DMD: variants seen among roughly 807,000 people sequenced by gnomAD.
The protein encoded by DMD is mutant dystrophin.
DMD carries 63 observed loss-of-function variants against 330.1 expected under a neutral mutation model. The ratio of observed to expected loss-of-function variants is 0.19; its 90% CI spans 0.16 to 0.24. The LOEUF (loss-of-function observed/expected upper bound fraction) is 0.24. Among genes scored for constraint, DMD ranks in the 10% least tolerant of loss-of-function variants. The pLI is 1.00. For synonymous variants in DMD, 1,223 were observed against 959.8 expected (o/e 1.27, Z -5.07); for missense variants, 3,344 against 2,684.1 (o/e 1.25, Z -5.43).
rs142678725 is a variant in DMD at position 32,523,854 on chromosome X, T to A, written c.2169-5723A>T. Among the ~76,000 whole-genome samples, 48 of 110,175 alleles carry A rather than the reference T, an allele frequency of 4.4e-4. No individual in the cohort carries two copies. The East Asian group carries it at 0.011, about 26-fold the overall frequency. On this transcript the variant is annotated intron_variant, in intron 17 of 78. Transcript: ENST00000357033. ...TTGATGTAACTGTTATACCACCACC[T>A]CCAATTCACTGCAGAAAAAAGAAAC... is the stretch of plus-strand genomic sequence containing the variant.
At chrX:31,491,967 C>T (rs2069345456) in intron 57 of DMD, among the ~76,000 whole-genome samples, 1 of 112,110 alleles carries the variant, frequency 8.9e-6, no homozygotes, top group South Asian at 3.7e-4. Flanking sequence ...CAACTATTGA[C>T]ATTTTAATGG....
At chrX:31,990,218 C>CT (rs777421783) in intron 44 of DMD, among the ~76,000 whole-genome samples, 2 of 112,095 alleles carry the variant, frequency 1.8e-5, no homozygotes, top group South Asian at 7.4e-4. Context: ...GACATTTTTA[C>CT]TTTTTTTCAA....
chrX:32,725,701 G>C (rs778576022), intron 7 of DMD, among the ~76,000 whole-genome samples: 1 of 111,169 alleles, frequency 9.0e-6, no homozygotes, highest in African/African-American at 3.3e-5. Flanking sequence ...AGGGTACTAG[G>C]GGGTGGAGGT....
At chrX:32,013,336 T>C (rs923406823) in intron 44 of DMD, among the ~76,000 whole-genome samples, 25 of 110,719 alleles carry the variant, frequency 2.3e-4, no homozygotes, top group Middle Eastern at 9.5e-3. Flanking sequence ...CTGCCCACCT[T>C]GGCCTCCCAA....
intron 1 of DMD, among the ~76,000 whole-genome samples, chrX:33,088,324 T>C (rs1213985978): frequency 1.8e-5 from 2 of 111,772 alleles, no homozygotes; most frequent in East Asian, 5.6e-4. Flanking sequence ...GGATCACAGG[T>C]GTGAGCCACT....
At chrX:32,463,399 G>C in intron 25 of DMD, 40 bp downstream of exon 25, 2 of 1,135,052 alleles carry the variant, frequency 1.8e-6, no homozygotes, top group Non-Finnish European at 2.4e-6. Flanking sequence ...TCTTAGTTAA[G>C]TACGTTGAGG....
chrX:31,206,192 A>G (rs756020976), intron 66 of DMD, among the ~76,000 whole-genome samples: 2 of 112,769 alleles, frequency 1.8e-5, no homozygotes, highest in Admixed American at 9.4e-5. Context: ...TTTCTTGAAC[A>G]TGAATGTCAC....
At position 31,300,787 on chromosome X, in the gene DMD, G is replaced by A. The variant is rs191579777; in HGVS notation, c.9224+22811C>T. ...ACATTTATTATTTTTGTTATGACAC[G>A]GAAAACTTACAAATATTAATTTCTA... On this transcript the variant is annotated intron_variant, in intron 62 of 78. Coordinates refer to ENST00000357033, the MANE Select transcript of DMD (RefSeq NM_004006.3). Among the ~76,000 whole-genome samples the A allele has an allele frequency of 4.3e-4, 48 of 111,339 alleles. No homozygotes were observed. In the East Asian group the frequency reaches 6.2e-3, roughly 14 times the overall value.
rs1156758978 is a variant in DMD, at chrX:31,121,427, TG to T, written c.*491del. On this transcript the variant is annotated 3_prime_UTR_variant, in exon 79 of 79. Transcript: ENST00000357033. The stretch of plus-strand genomic sequence containing the variant: ...AAAACAATGCGCTGCCTCAAAGTTT[TG>T]TGTGTGTGTGTGTATGTGTGTGTGT... 4.0e-5 allele frequency: 4 copies of T among 98,826 alleles called. No individual in the cohort carries two copies. Among genetic ancestry groups the T allele is most frequent in the Non-Finnish European group, 7.7e-5 (4 of 51,802 alleles). The allele number at this position is 98,826 out of a possible 1,213,427, so 8.1% of individuals were successfully genotyped here. A position where few individuals can be genotyped will look rare whatever the true frequency, so the allele number is the denominator to read the frequency against.
intron 2 of DMD, among the ~76,000 whole-genome samples, chrX:33,009,988 GTATA>G (rs1249498269): frequency 1.8e-5 from 1 of 54,461 alleles, no homozygotes; most frequent in African/African-American, 1.0e-4. Flanking sequence ...ACACATGTGT[GTATA>G]TACACGTATG....
intron 52 of DMD, among the ~76,000 whole-genome samples, chrX:31,708,940 C>T (rs1307605668): frequency 8.9e-6 from 1 of 111,899 alleles, no homozygotes; most frequent in Non-Finnish European, 1.9e-5. Context: ...TCTAGAATGT[C>T]TGCATATGAG....
intron 1 of DMD, among the ~76,000 whole-genome samples, chrX:33,039,995 G>T (rs1398863891): frequency 9.0e-6 from 1 of 111,184 alleles, no homozygotes; most frequent in Non-Finnish European, 1.9e-5. Context: ...CAGGGAACTG[G>T]AGGAAGAAGT....
chrX:32,541,813 GAA>G lies in DMD; in HGVS notation c.2168+3344_2168+3345del, dbSNP rs34215981. Among the ~76,000 whole-genome samples, 146 of 104,654 alleles carry G rather than the reference GAA, an allele frequency of 1.4e-3. 1 individual carries two copies. The highest frequency in any genetic ancestry group is 4.7e-3 in the African/African-American group (135 of 28,964). The allele number at this position is 104,654 out of a possible 115,157, so 90.9% of individuals were successfully genotyped here. A position where few individuals can be genotyped will look rare whatever the true frequency, so the allele number is the denominator to read the frequency against. Reference sequence around the variant, plus strand: ...CCCTTGAACCTAAACTAAAAGTTGGGAAAAAAAAAAAGGGCAGCATTCAAACC... The same window carrying G: ...CCCTTGAACCTAAACTAAAAGTTGGGAAAAAAAAAGGGCAGCATTCAAACC... On this transcript the variant is annotated intron_variant, in intron 17 of 78. Coordinates refer to ENST00000357033, the MANE Select transcript of DMD (RefSeq NM_004006.3).
At chrX:32,146,084 A>G (rs981399523) in intron 44 of DMD, among the ~76,000 whole-genome samples, 4 of 112,029 alleles carry the variant, frequency 3.6e-5, no homozygotes, top group African/African-American at 1.3e-4. Context: ...ATTGTATGAT[A>G]CTATGTATCC....
intron 41 of DMD, among the ~76,000 whole-genome samples, chrX:32,314,711 T>A (rs1343157200): frequency 2.7e-5 from 3 of 110,854 alleles, no homozygotes; most frequent in Middle Eastern, 4.3e-3. Flanking sequence ...AAAGACCCCA[T>A]CAGAAAGTGG....
intron 12 of DMD, among the ~76,000 whole-genome samples, chrX:32,599,388 T>C (rs2055927958): frequency 8.9e-6 from 1 of 111,889 alleles, no homozygotes; most frequent in African/African-American, 3.2e-5. Flanking sequence ...GGGTAAAGAA[T>C]GCCTGCCTGT....
chrX:32,367,616 T>C (rs2097858862), intron 34 of DMD, among the ~76,000 whole-genome samples: 2 of 111,904 alleles, frequency 1.8e-5, no homozygotes, highest in African/African-American at 6.5e-5. Context: ...AGTTTTGAAC[T>C]TAGGGGATAA....
intron 55 of DMD, among the ~76,000 whole-genome samples, chrX:31,605,083 C>T (rs1450793978): frequency 7.2e-5 from 8 of 111,719 alleles, no homozygotes; most frequent in East Asian, 2.8e-4. Context: ...GTTAGAATGT[C>T]GCTCTCAGCC....
intron 55 of DMD, among the ~76,000 whole-genome samples, chrX:31,617,534 CAAAAAAA>C (rs749572753): frequency 4.4e-4 from 14 of 32,048 alleles, no homozygotes; most frequent in Non-Finnish European, 6.1e-4. Context: ...GACTTCGTCT[CAAAAAAA>C]AAAAAAAAAA....
Sources: allele counts gnomAD v4.1 joint callset (sites outside exome capture counted in the v4.1 genomes callset), GRCh38; gene constraint gnomAD v4.1.1; transcripts MANE v1.5; gene names NCBI Gene and HGNC (gene_info 2026-07-23, HGNC 2026-07-21).